ARHGAP26: variants seen among roughly 807,000 people sequenced by gnomAD.
ARHGAP26 encodes rho GTPase-activating protein 26.
In ARHGAP26, 38 loss-of-function variants were observed where a neutral mutation model predicts 104.8. That is an observed-to-expected ratio of 0.36 (90% CI 0.28 to 0.48). The LOEUF is 0.48. Among genes scored for constraint, ARHGAP26 ranks in the 20% least tolerant of loss-of-function variants. The pLI, the probability that ARHGAP26 is intolerant of heterozygous loss-of-function variation, is 0.99. For missense variants in ARHGAP26, 704 were observed against 947.9 expected (o/e 0.74, Z 3.38); for synonymous variants, 341 against 340.0 (o/e 1.00, Z -0.03).
At chr5:142,890,314 G>A (rs544728971) in intron 5 of ARHGAP26, among the ~76,000 whole-genome samples, 50 of 150,320 alleles carry the variant, frequency 3.3e-4, no homozygotes, top group African/African-American at 1.2e-3. Flanking sequence ...AGAGGTTTTT[G>A]GGCAGAATGA....
chr5:142,906,211 G>C (rs1388885687), intron 8 of ARHGAP26, among the ~76,000 whole-genome samples: 1 of 152,126 alleles, frequency 6.6e-6, no homozygotes, highest in Non-Finnish European at 1.5e-5. Context: ...TGTAAATTTT[G>C]ATCACCCAGT....
intron 1 of ARHGAP26, among the ~76,000 whole-genome samples, chr5:142,857,964 A>G (rs1752631225): frequency 6.6e-6 from 1 of 152,064 alleles, no homozygotes; most frequent in Non-Finnish European, 1.5e-5. Context: ...AGTCTGGGGC[A>G]GTTGGATTCA....
chr5:142,918,998 A>G (rs1381127180), intron 10 of ARHGAP26, among the ~76,000 whole-genome samples: 1 of 152,226 alleles, frequency 6.6e-6, no homozygotes, highest in African/African-American at 2.4e-5. Flanking sequence ...TGGTATGGCC[A>G]CAACATGCTC....
intron 17 of ARHGAP26, among the ~76,000 whole-genome samples, chr5:143,060,482 C>A (rs796941154): frequency 1.3e-5 from 2 of 152,222 alleles, no homozygotes; most frequent in African/African-American, 4.8e-5. Flanking sequence ...AAACTCCAAA[C>A]CTCTAAAGCA....
At chr5:142,902,072 T>A (rs1386792814) in intron 7 of ARHGAP26, 33 bp downstream of exon 7, 1 of 1,589,120 alleles carries the variant, frequency 6.3e-7, no homozygotes, top group East Asian at 2.2e-5. Flanking sequence ...TTCTTTTATC[T>A]GGTTAAGGAA....
At chr5:142,791,655 C>A (rs1561846874) in intron 1 of ARHGAP26, among the ~76,000 whole-genome samples, 1 of 152,096 alleles carries the variant, frequency 6.6e-6, no homozygotes, top group Non-Finnish European at 1.5e-5. Context: ...CTCCTCCCTA[C>A]CCCTCGCATT....
rs1599115261 is a variant in ARHGAP26 at position 143,122,809 on chromosome 5, T to G, written c.1698+1662T>G. 2.0e-5 allele frequency among the ~76,000 whole-genome samples: 3 copies of G among 152,234 alleles called. No individual in the cohort carries two copies. The South Asian group carries it at 6.2e-4, about 31-fold the overall frequency. ...ATTGGAAGGTCAGACAAACAACTTA[T>G]TTTTGGCTTGATGGCATAGAACTTC... On this transcript the variant is annotated intron_variant, in intron 18 of 22. Coordinates refer to ENST00000645722, the MANE Select transcript of ARHGAP26 (RefSeq NM_001135608.3).
At position 143,168,445 on chromosome 5, in the gene ARHGAP26, C is replaced by CTTTTTTTTTTTTTTTTTTTTTTTTTT. The variant is rs10610584; in HGVS notation, c.1988+21070_1988+21095dup. On this transcript the variant is annotated intron_variant, in intron 20 of 22. Coordinates refer to ENST00000645722, the MANE Select transcript of ARHGAP26 (RefSeq NM_001135608.3). ...CAAATAGACCTCACCATCTGGAACTCTTTTTTTTTTTTTTTTTTTTTTTTT... is the reference window on the plus strand; with the variant it reads ...CAAATAGACCTCACCATCTGGAACTCTTTTTTTTTTTTTTTTTTTTTTTTTTTTTTTTTTTTTTTTTTTTTTTTTTT... 1.9e-4 allele frequency: 5 copies of CTTTTTTTTTTTTTTTTTTTTTTTTTT among 25,706 alleles called. 1 individual carries two copies. Among genetic ancestry groups the CTTTTTTTTTTTTTTTTTTTTTTTTTT allele is most frequent in the East Asian group, 1.9e-3 (1 of 536 alleles). 1.6% of individuals were successfully genotyped at this position (25,706 alleles called of 1,614,324 possible).
At chr5:143,102,876 T>C (rs1404380825) in intron 17 of ARHGAP26, among the ~76,000 whole-genome samples, 1 of 152,042 alleles carries the variant, frequency 6.6e-6, no homozygotes, top group Non-Finnish European at 1.5e-5. Flanking sequence ...TCCCAGTGCC[T>C]CTATGAAATA....
intron 11 of ARHGAP26, among the ~76,000 whole-genome samples, chr5:142,955,725 A>G (rs1425104759): frequency 6.6e-6 from 1 of 152,208 alleles, no homozygotes; most frequent in Non-Finnish European, 1.5e-5. Context: ...TAATACCAAA[A>G]AGTTATTTAG....
intron 10 of ARHGAP26, among the ~76,000 whole-genome samples, chr5:142,923,830 G>A (rs1763518311): frequency 7.0e-6 from 1 of 142,672 alleles, no homozygotes; most frequent in African/African-American, 2.6e-5. Flanking sequence ...AATAGGTTAT[G>A]ATTCATTCAT....
intron 14 of ARHGAP26, among the ~76,000 whole-genome samples, chr5:143,050,487 T>C (rs1784858114): frequency 6.6e-6 from 1 of 152,220 alleles, no homozygotes; most frequent in Non-Finnish European, 1.5e-5. Context: ...CCATGAACTA[T>C]CCTTCCTTAC....
intron 11 of ARHGAP26, among the ~76,000 whole-genome samples, chr5:142,938,430 T>C (rs979882710): frequency 2.0e-5 from 3 of 152,208 alleles, no homozygotes; most frequent in African/African-American, 4.8e-5. Context: ...TGACTTTTCA[T>C]ATTAAATTGG....
At position 143,179,369 on chromosome 5, in the gene ARHGAP26, G is replaced by T. The variant is rs114377552; in HGVS notation, c.1989-27829G>T. ...AGAGGCAGCGAAGAGAGCTGTGGGA[G>T]CCCAAGTGAAAACAGGGACTGCATC... On this transcript the variant is annotated intron_variant, in intron 20 of 22. Coordinates refer to ENST00000645722, the MANE Select transcript of ARHGAP26 (RefSeq NM_001135608.3). Among the ~76,000 whole-genome samples the T allele has an allele frequency of 8.1e-3, 1,227 of 152,320 alleles. 17 individuals carry two copies. The highest frequency in any genetic ancestry group is 0.027 in the African/African-American group (1,134 of 41,568).
chr5:143,191,249 CTG>C (rs1216088626), intron 20 of ARHGAP26, among the ~76,000 whole-genome samples: 1 of 152,200 alleles, frequency 6.6e-6, no homozygotes, highest in African/African-American at 2.4e-5. Context: ...ATGTTGATAA[CTG>C]TTGTTGTTTT....
intron 1 of ARHGAP26, among the ~76,000 whole-genome samples, chr5:142,814,398 C>T (rs555605450): frequency 6.6e-6 from 1 of 152,264 alleles, no homozygotes; most frequent in African/African-American, 2.4e-5. Context: ...TTCCTGTTCT[C>T]TCAGGATATT....
At chr5:142,791,160 C>T (rs1759724326) in intron 1 of ARHGAP26, among the ~76,000 whole-genome samples, 1 of 151,342 alleles carries the variant, frequency 6.6e-6, no homozygotes, top group South Asian at 2.1e-4. Flanking sequence ...CTTACTGCAA[C>T]CTCCACCTCC....
At chr5:143,009,398 G>A (rs1778431645) in intron 11 of ARHGAP26, among the ~76,000 whole-genome samples, 1 of 152,178 alleles carries the variant, frequency 6.6e-6, no homozygotes, top group African/African-American at 2.4e-5. Flanking sequence ...GACCGTGGGA[G>A]TTCCTGTCTG....
intron 1 of ARHGAP26, among the ~76,000 whole-genome samples, chr5:142,866,235 T>C (rs1754260549): frequency 6.6e-6 from 1 of 152,204 alleles, no homozygotes; most frequent in Non-Finnish European, 1.5e-5. Flanking sequence ...ATCTTTTCAT[T>C]TCTTTGAATA....
Sources: gnomAD v4.1 joint callset for allele counts (sites outside exome capture counted in the v4.1 genomes callset) on GRCh38, gnomAD v4.1.1 for gene constraint, MANE v1.5 for transcripts, NCBI Gene and HGNC (gene_info 2026-07-23, HGNC 2026-07-21) for gene names.